Variants in TAF1B observed in about 807,000 individuals in gnomAD.
TAF1B encodes TATA box-binding protein-associated factor RNA polymerase I subunit B.
Under a neutral mutation model 83.9 loss-of-function variants are expected in TAF1B, and 61 were observed. That is an observed-to-expected ratio of 0.73 (90% CI 0.59 to 0.90). The LOEUF (loss-of-function observed/expected upper bound fraction) is 0.90, where lower values mean the gene tolerates loss of function less well. Ranked by LOEUF, TAF1B falls within the 40% of genes least tolerant of loss-of-function variation. The probability of loss-of-function intolerance (pLI) is 0.00; values close to 1 mark genes in which losing one functional copy is unlikely to be tolerated. For synonymous variants in TAF1B, 221 were observed against 224.6 expected (o/e 0.98, Z 0.14); for missense variants, 625 against 677.0 (o/e 0.92, Z 0.85).
chr2:9,858,762 T>G (rs890550504), intron 5 of TAF1B, among the ~76,000 whole-genome samples: 3 of 152,238 alleles, frequency 2.0e-5, no homozygotes, highest in African/African-American at 7.2e-5. Context: ...TGAGCTATAC[T>G]TTGGTGCCTT....
chr2:9,883,376 A>C (rs1664571304), intron 8 of TAF1B, among the ~76,000 whole-genome samples: 1 of 152,182 alleles, frequency 6.6e-6, no homozygotes, highest in African/African-American at 2.4e-5. Flanking sequence ...TAAATGTTAA[A>C]GATTTTCCTC....
At chr2:9,918,457 A>G (rs1181431377) in intron 12 of TAF1B, among the ~76,000 whole-genome samples, 5 of 152,188 alleles carry the variant, frequency 3.3e-5, no homozygotes, top group Non-Finnish European at 7.3e-5. Context: ...TCCCCATTTT[A>G]CAGTGGAAAC....
chr2:9,919,351 C>T (rs72782696), intron 13 of TAF1B, among the ~76,000 whole-genome samples: 11,439 of 152,178 alleles, frequency 0.075, 544 homozygotes, highest in Middle Eastern at 0.15. Context: ...AATCCTAAAT[C>T]GTTATGATTT....
intron 13 of TAF1B, among the ~76,000 whole-genome samples, 183 bp from the exon 14 acceptor site, chr2:9,919,414 TA>T (rs1665798329): frequency 1.3e-5 from 2 of 152,234 alleles, no homozygotes; most frequent in African/African-American, 2.4e-5. Flanking sequence ...CTTTTTGAAG[TA>T]AGGTTTCCCC....
intron 5 of TAF1B, among the ~76,000 whole-genome samples, chr2:9,862,764 G>A (rs141996906): frequency 0.024 from 3,676 of 152,320 alleles, 71 homozygotes; most frequent in Non-Finnish European, 0.038. Flanking sequence ...AACTCTACAA[G>A]CCAGAAGAGA....
chr2:9,888,790 G>GTTTTT (rs56125595), intron 8 of TAF1B, among the ~76,000 whole-genome samples: 32 of 81,610 alleles, frequency 3.9e-4, no homozygotes, highest in African/African-American at 1.6e-3. Flanking sequence ...CTTCTGCTTG[G>GTTTTT]TTTTTTTTTT....
intron 6 of TAF1B, among the ~76,000 whole-genome samples, chr2:9,871,247 T>A (rs569202754): frequency 2.0e-4 from 31 of 151,496 alleles, no homozygotes; most frequent in African/African-American, 7.0e-4. Context: ...GCCCAGCTAA[T>A]TTTTTTTTGT....
In TAF1B at chr2:9,916,837, C is replaced by CTTTTTTTTTTTTTTTTTT. The variant is rs371475463; in HGVS notation, c.1272-2203_1272-2186dup. On this transcript the variant is annotated intron_variant, in intron 12 of 14. Transcript: ENST00000263663. ...TGATTAGAAAAATTTCCTTTCTGTTCTTTTTTTTTTTTTTTTTTGAGATGG... is the reference window on the plus strand; with the variant it reads ...TGATTAGAAAAATTTCCTTTCTGTTCTTTTTTTTTTTTTTTTTTTTTTTTTTTTTTTTTTTTGAGATGG... Among the ~76,000 whole-genome samples the CTTTTTTTTTTTTTTTTTT allele has an allele frequency of 1.1e-3, 103 of 95,704 alleles. 5 individuals carry two copies. The highest frequency in any genetic ancestry group is 1.7e-3 in the East Asian group (6 of 3,548). 62.8% of individuals were successfully genotyped at this position (95,704 alleles called of 152,430 possible).
chr2:9,892,727 C>T (rs970362051), intron 8 of TAF1B, among the ~76,000 whole-genome samples: 3 of 151,830 alleles, frequency 2.0e-5, no homozygotes, highest in Non-Finnish European at 4.4e-5. Flanking sequence ...GTGAGTTATG[C>T]TGCAGTGAAC....
chr2:9,884,803 C>A (rs1462948658), intron 8 of TAF1B, among the ~76,000 whole-genome samples: 1 of 152,108 alleles, frequency 6.6e-6, no homozygotes, highest in Non-Finnish European at 1.5e-5. Flanking sequence ...CTGGGTGCTG[C>A]TGCAGCCACC....
rs1664583925 is a variant in TAF1B at position 9,883,887 on chromosome 2, C to T, written c.807+1082C>T. On this transcript the variant is annotated intron_variant, in intron 8 of 14. Coordinates refer to ENST00000263663, the MANE Select transcript of TAF1B (RefSeq NM_005680.3). Reference sequence around the variant, plus strand: ...CAATAGGAAGGATGTCATATTGTTGCGGGATCTTTGGGGTGCCGTTTTTCT... The same window carrying T: ...CAATAGGAAGGATGTCATATTGTTGTGGGATCTTTGGGGTGCCGTTTTTCT... 3.3e-5 allele frequency among the ~76,000 whole-genome samples: 5 copies of T among 152,288 alleles called. No individual in the cohort carries two copies. The South Asian group carries it at 1.0e-3, about 32-fold the overall frequency.
intron 7 of TAF1B, 109 bp from the exon 8 acceptor site, chr2:9,882,597 C>A: frequency 1.7e-6 from 1 of 583,316 alleles, no homozygotes; most frequent in Non-Finnish European, 2.8e-6. Context: ...ATAGAATATG[C>A]TTAACTAATT....
At chr2:9,879,971 C>T (rs550603065) in intron 7 of TAF1B, among the ~76,000 whole-genome samples, 4 of 152,094 alleles carry the variant, frequency 2.6e-5, no homozygotes, top group African/African-American at 7.2e-5. Flanking sequence ...AGGAGAGATA[C>T]GATCTGATTG....
chr2:9,864,555 T>A (rs1663898050), intron 5 of TAF1B, among the ~76,000 whole-genome samples: 1 of 152,034 alleles, frequency 6.6e-6, no homozygotes, highest in Non-Finnish European at 1.5e-5. Context: ...TTCCAATCAG[T>A]AGAAAAAGAG....
chr2:9,865,869 A>T (rs1663956712), intron 5 of TAF1B, among the ~76,000 whole-genome samples: 1 of 151,014 alleles, frequency 6.6e-6, no homozygotes, highest in South Asian at 2.1e-4. Context: ...GTGCTGGGAA[A>T]ACTGGCTAGC....
At chr2:9,883,751 A>C (rs1293179203) in intron 8 of TAF1B, among the ~76,000 whole-genome samples, 1 of 152,234 alleles carries the variant, frequency 6.6e-6, no homozygotes, top group African/African-American at 2.4e-5. Flanking sequence ...GGTGCTTCCA[A>C]AGGGAAAATT....
At chr2:9,851,833 T>G in intron 4 of TAF1B, 195 bp downstream of exon 4, 1 of 649,724 alleles carries the variant, frequency 1.5e-6, no homozygotes, top group Non-Finnish European at 2.8e-6. Context: ...AAATAAGCAA[T>G]ACATCCAAAA....
chr2:9,901,024 A>G (rs1465683031), intron 8 of TAF1B, among the ~76,000 whole-genome samples: 1 of 152,184 alleles, frequency 6.6e-6, no homozygotes, highest in Non-Finnish European at 1.5e-5. Context: ...ATAGAATTTT[A>G]TATTTCCTAA....
At chr2:9,866,528 C>T (rs1226621050) in intron 5 of TAF1B, among the ~76,000 whole-genome samples, 3 of 152,092 alleles carry the variant, frequency 2.0e-5, no homozygotes, top group East Asian at 1.9e-4. Flanking sequence ...GTCAGTGTGG[C>T]GATTCTTCAG....
Sources: gnomAD v4.1 joint callset for allele counts (sites outside exome capture counted in the v4.1 genomes callset) on GRCh38, gnomAD v4.1.1 for gene constraint, MANE v1.5 for transcripts, NCBI Gene and HGNC (gene_info 2026-07-23, HGNC 2026-07-21) for gene names.